The following MTAP variants were observed in gnomAD, a reference collection of about 807,000 sequenced individuals.
MTAP encodes methylthioadenosine phosphorylase, also known as S-methyl-5'-thioadenosine phosphorylase.
A neutral mutation model predicts 33.6 loss-of-function variants in MTAP; 33 were observed. That is an observed-to-expected ratio of 0.98 (90% CI 0.74 to 1.31). The LOEUF (loss-of-function observed/expected upper bound fraction) is 1.31, where lower values mean the gene tolerates loss of function less well. Ranked by LOEUF, MTAP falls within the 40% of genes most tolerant of loss-of-function variation. The probability of loss-of-function intolerance (pLI) is 0.00; values close to 1 mark genes in which losing one functional copy is unlikely to be tolerated. For synonymous variants in MTAP, 148 were observed against 125.7 expected (o/e 1.18, Z -1.19); for missense variants, 367 against 360.0 (o/e 1.02, Z -0.16).
chr9:21,884,771 C>A (rs78596060), intron 1 of MTAP, among the ~76,000 whole-genome samples: 2,226 of 152,234 alleles, frequency 0.015, 55 homozygotes, highest in African/African-American at 0.05. Flanking sequence ...TGAATACCAT[C>A]TCATTGAGGG....
At chr9:21,804,110 C>G (rs1196648931) in intron 1 of MTAP, among the ~76,000 whole-genome samples, 1 of 152,178 alleles carries the variant, frequency 6.6e-6, no homozygotes, top group East Asian at 1.9e-4. Context: ...CATCTATAAA[C>G]TGAGAATTTT....
intron 1 of MTAP, among the ~76,000 whole-genome samples, chr9:21,917,664 A>G (rs1818712395): frequency 6.6e-6 from 1 of 152,208 alleles, no homozygotes; most frequent in East Asian, 1.9e-4. Flanking sequence ...TAGTACCACC[A>G]CTATAGAAAG....
intron 5 of MTAP, among the ~76,000 whole-genome samples, chr9:21,849,056 A>G (rs943294761): frequency 3.3e-5 from 5 of 150,880 alleles, no homozygotes; most frequent in Non-Finnish European, 5.9e-5. Context: ...AGAAACTTCT[A>G]GGTCAAATGG....
At chr9:21,803,041 C>T (rs1171592351) in intron 1 of MTAP, 18 of 1,112,970 alleles carry the variant, frequency 1.6e-5, no homozygotes, top group Non-Finnish European at 2.2e-5. Flanking sequence ...CACACACCAC[C>T]TTTTGGCTTA....
At chr9:21,910,900 C>A (rs1020534541) in intron 1 of MTAP, among the ~76,000 whole-genome samples, 3 of 151,932 alleles carry the variant, frequency 2.0e-5, no homozygotes, top group African/African-American at 7.2e-5. Context: ...TAAGAAATTG[C>A]CTATTTTGAG....
At chr9:21,894,464 C>G (rs1818255095) in intron 1 of MTAP, among the ~76,000 whole-genome samples, 1 of 151,928 alleles carries the variant, frequency 6.6e-6, no homozygotes, top group Non-Finnish European at 1.5e-5. Context: ...AGTCAACTAT[C>G]TCTCTTCACA....
chr9:21,853,943 A>G (rs868719155), intron 5 of MTAP, among the ~76,000 whole-genome samples: 2 of 152,232 alleles, frequency 1.3e-5, no homozygotes, highest in Admixed American at 6.5e-5. Flanking sequence ...CTTGAAGATT[A>G]GATGTGCAGT....
chr9:21,848,109 A>G (rs1219362348), intron 5 of MTAP, among the ~76,000 whole-genome samples: 1 of 152,202 alleles, frequency 6.6e-6, no homozygotes, highest in East Asian at 1.9e-4. Context: ...CTGAGGAGAT[A>G]AACCCTGTGC....
chr9:21,811,150 G>A (rs1414154967), intron 1 of MTAP, among the ~76,000 whole-genome samples: 1 of 152,216 alleles, frequency 6.6e-6, no homozygotes, highest in African/African-American at 2.4e-5. Context: ...TCCCTGGCAT[G>A]AGCTAGTCTC....
chr9:21,910,858 C>G (rs935969490), intron 1 of MTAP, among the ~76,000 whole-genome samples: 5 of 152,046 alleles, frequency 3.3e-5, no homozygotes, highest in South Asian at 2.1e-4. Flanking sequence ...CATCCCCCAG[C>G]CTTTGGAAAC....
At chr9:21,909,405 A>G (rs756463985) in intron 1 of MTAP, among the ~76,000 whole-genome samples, 8 of 152,174 alleles carry the variant, frequency 5.3e-5, no homozygotes, top group Non-Finnish European at 7.4e-5. Context: ...TAGTCCATAT[A>G]GAATTAAATC....
chr9:21,802,985 A>ACACAC lies in MTAP; in HGVS notation c.33+204_33+205insCACAC. ...CAAATGATCCCCCTGCCGCACCGCCAACACACACACACACACACACACACA... is the reference window on the plus strand; with the variant it reads ...CAAATGATCCCCCTGCCGCACCGCCACACACACACACACACACACACACACACACA... On this transcript the variant is annotated intron_variant, in intron 1 of 7. Coordinates refer to ENST00000644715, the MANE Select transcript of MTAP (RefSeq NM_002451.4). 1.1e-5 allele frequency: 5 copies of ACACAC among 442,822 alleles called. No homozygotes were observed. In the East Asian group the frequency reaches 1.7e-4, roughly 15 times the overall value. The allele number at this position is 442,822 out of a possible 1,614,324, so 27.4% of individuals were successfully genotyped here.
At chr9:21,845,964 A>G (rs746801182) in intron 5 of MTAP, among the ~76,000 whole-genome samples, 86 of 152,212 alleles carry the variant, frequency 5.7e-4, no homozygotes, top group Non-Finnish European at 1.0e-3. Context: ...AAAGCCAAAT[A>G]TTTACAGCCA....
intron 5 of MTAP, among the ~76,000 whole-genome samples, chr9:21,844,412 A>G (rs1037554318): frequency 3.9e-5 from 6 of 152,236 alleles, no homozygotes; most frequent in Non-Finnish European, 5.9e-5. Flanking sequence ...CAAAATCAGA[A>G]AAGAACATAA....
At chr9:21,910,145 A>C (rs1042898622) in intron 1 of MTAP, among the ~76,000 whole-genome samples, 1 of 152,176 alleles carries the variant, frequency 6.6e-6, no homozygotes, top group Non-Finnish European at 1.5e-5. Context: ...TCTCCATAAG[A>C]AGATATTGTT....
At chr9:21,803,271 T>A in intron 1 of MTAP, 1 of 266,164 alleles carries the variant, frequency 3.8e-6, no homozygotes, top group Non-Finnish European at 7.0e-6. Context: ...GCTTGTTGCC[T>A]GCGGCCCACG....
downstream of MTAP, among the ~76,000 whole-genome samples, chr9:21,868,054 A>G (rs1169028527): frequency 6.6e-6 from 1 of 152,188 alleles, no homozygotes; most frequent in Non-Finnish European, 1.5e-5. Flanking sequence ...GGATGTTTAT[A>G]CTTCATATTT....
At chr9:21,925,497 A>C (rs1420825650) in intron 1 of MTAP, among the ~76,000 whole-genome samples, 3 of 152,228 alleles carry the variant, frequency 2.0e-5, no homozygotes, top group Non-Finnish European at 4.4e-5. Flanking sequence ...CAGCAGCTCC[A>C]ACTATTGGCT....
intron 3 of MTAP, 90 bp downstream of exon 3, chr9:21,816,862 G>T: frequency 9.3e-7 from 1 of 1,070,086 alleles, no homozygotes. Flanking sequence ...ACAGGTCTGA[G>T]CTTTTATATG....
Sources: allele counts gnomAD v4.1 joint callset (sites outside exome capture counted in the v4.1 genomes callset), GRCh38; gene constraint gnomAD v4.1.1; transcripts MANE v1.5; gene names NCBI Gene and HGNC (gene_info 2026-07-23, HGNC 2026-07-21).